The following FAF2 variants were observed in gnomAD, a reference collection of about 807,000 sequenced individuals.
FAF2 encodes FAS-associated factor 2.
A neutral mutation model predicts 62.3 loss-of-function variants in FAF2; 9 were observed. That is an observed-to-expected ratio of 0.14 (90% CI 0.09 to 0.25). The LOEUF (loss-of-function observed/expected upper bound fraction) is 0.25, where lower values mean the gene tolerates loss of function less well. FAF2 is among the 10% of genes least tolerant of loss of function. The pLI, the probability that FAF2 is intolerant of heterozygous loss-of-function variation, is 1.00. For synonymous variants in FAF2, 202 were observed against 198.0 expected, an observed-to-expected ratio of 1.02 and a Z score of -0.17; for missense variants, 368 against 556.2, an observed-to-expected ratio of 0.66 and a Z score of 3.40.
intron 1 of FAF2, among the ~76,000 whole-genome samples, chr5:176,454,284 T>A (rs1055214371): frequency 2.6e-5 from 4 of 151,572 alleles, no homozygotes; most frequent in Non-Finnish European, 5.9e-5. Flanking sequence ...TCCCAGCTAC[T>A]CGGGAGGGTA....
chr5:176,486,647 T>C (rs1758879757), intron 3 of FAF2, among the ~76,000 whole-genome samples, 158 bp downstream of exon 3: 1 of 150,092 alleles, frequency 6.7e-6, no homozygotes, highest in Non-Finnish European at 1.5e-5. Flanking sequence ...CCTTGATTCC[T>C]CAAGGAATTG....
At chr5:176,475,333 A>G (rs1184895287) in intron 1 of FAF2, among the ~76,000 whole-genome samples, 4 of 151,932 alleles carry the variant, frequency 2.6e-5, no homozygotes, top group African/African-American at 4.8e-5. Context: ...GAGTTTCTCT[A>G]TATTGGCCAG....
intron 1 of FAF2, among the ~76,000 whole-genome samples, chr5:176,477,208 G>A (rs1758715575): frequency 7.1e-6 from 1 of 140,576 alleles, no homozygotes; most frequent in Non-Finnish European, 1.5e-5. Context: ...GCCTCCCAAA[G>A]TGCTGAGATT....
chr5:176,490,943 C>T (rs976347048), intron 4 of FAF2, among the ~76,000 whole-genome samples: 1 of 152,138 alleles, frequency 6.6e-6, no homozygotes, highest in African/African-American at 2.4e-5. Flanking sequence ...CATTCCCCCA[C>T]GTATACAACT....
chr5:176,472,933 T>C (rs1758599963), intron 1 of FAF2, among the ~76,000 whole-genome samples: 1 of 152,170 alleles, frequency 6.6e-6, no homozygotes, highest in Admixed American at 6.6e-5. Flanking sequence ...AGTTTTGTTT[T>C]ACTTTTTAAA....
At chr5:176,456,062 A>G (rs1379702052) in intron 1 of FAF2, among the ~76,000 whole-genome samples, 1 of 152,162 alleles carries the variant, frequency 6.6e-6, no homozygotes, top group Non-Finnish European at 1.5e-5. Flanking sequence ...GTAAGTAGTC[A>G]TGAAGACTGA....
Position 176,499,996 on chromosome 5 carries a change from T to A in FAF2, c.1012-7T>A. On this transcript the variant is annotated splice_region_variant and splice_polypyrimidine_tract_variant and intron_variant, in intron 9 of 10. Coordinates refer to ENST00000261942, the MANE Select transcript of FAF2 (RefSeq NM_014613.3). Reference sequence around the variant, plus strand: ...TGTAGCCTCACCTTTGCTTTGTGTCTCTGCAGAATTTACAGGAGGAAAAGG... The same window carrying A: ...TGTAGCCTCACCTTTGCTTTGTGTCACTGCAGAATTTACAGGAGGAAAAGG... The A allele has an allele frequency of 6.2e-7, 1 of 1,614,118 alleles. No homozygotes were observed. The highest frequency in any genetic ancestry group is 2.2e-5 in the East Asian group (1 of 44,878).
At chr5:176,478,257 G>C (rs1758735891) in intron 1 of FAF2, among the ~76,000 whole-genome samples, 1 of 152,156 alleles carries the variant, frequency 6.6e-6, no homozygotes, top group Non-Finnish European at 1.5e-5. Flanking sequence ...CAAGAGGATT[G>C]CTTGAGCCCA....
At chr5:176,461,585 C>A (rs987548699) in intron 1 of FAF2, among the ~76,000 whole-genome samples, 4 of 151,894 alleles carry the variant, frequency 2.6e-5, no homozygotes, top group Non-Finnish European at 5.9e-5. Context: ...ACCTTGGCCT[C>A]CCCTAGTGAT....
intron 3 of FAF2, among the ~76,000 whole-genome samples, chr5:176,488,313 A>C (rs2113738394): frequency 6.6e-6 from 1 of 152,200 alleles, no homozygotes; most frequent in South Asian, 2.1e-4. Flanking sequence ...TGTAAATCTA[A>C]AAAGGAAAGA....
At position 176,501,558 on chromosome 5, in the gene FAF2, T is replaced by C. The variant is rs151131419; in HGVS notation, c.1155+1412T>C. ...GTATGTCATGCAGTGAGCCAGATAC[T>C]CTAGGGATCATTTAGATGAGTGAGA... On this transcript the variant is annotated intron_variant, in intron 10 of 10. Transcript: ENST00000261942. Among the ~76,000 whole-genome samples, 82 of 152,298 alleles carry C rather than the reference T, an allele frequency of 5.4e-4. 1 individual carries two copies. Among genetic ancestry groups the C allele is most frequent in the African/African-American group, 1.9e-3 (80 of 41,562 alleles).
chr5:176,460,023 G>A (rs528253734), intron 1 of FAF2, among the ~76,000 whole-genome samples: 29 of 152,038 alleles, frequency 1.9e-4, no homozygotes, highest in Admixed American at 1.4e-3. Flanking sequence ...TTAGGATGAC[G>A]GCCTCCGGCT....
At chr5:176,504,332 C>T (rs1010157893) in intron 10 of FAF2, among the ~76,000 whole-genome samples, 5 of 151,812 alleles carry the variant, frequency 3.3e-5, no homozygotes, top group African/African-American at 1.2e-4. Context: ...GCCCATAGTC[C>T]CAGCCTACTT....
intron 4 of FAF2, among the ~76,000 whole-genome samples, chr5:176,490,769 CTG>C (rs1471441760): frequency 6.6e-6 from 1 of 151,956 alleles, no homozygotes; most frequent in East Asian, 1.9e-4. Flanking sequence ...GTTGACATCT[CTG>C]TTTTTTTCTA....
intron 8 of FAF2, chr5:176,497,039 G>A (rs934578851): frequency 1.3e-5 from 2 of 153,748 alleles, no homozygotes; most frequent in African/African-American, 4.8e-5. Context: ...CCAGGTCCTT[G>A]GGAGCCCGAG....
chr5:176,491,342 A>T (rs1213371329), intron 4 of FAF2, among the ~76,000 whole-genome samples: 4 of 152,218 alleles, frequency 2.6e-5, no homozygotes. Context: ...GATGTGTGGT[A>T]CCATTAGGTA....
At chr5:176,483,912 TA>T (rs1758828588) in intron 2 of FAF2, among the ~76,000 whole-genome samples, 1 of 151,926 alleles carries the variant, frequency 6.6e-6, no homozygotes, top group Non-Finnish European at 1.5e-5. Context: ...CCATCGCTAC[TA>T]AAAATACAAA....
At chr5:176,500,172 G>GT in intron 10 of FAF2, 26 bp downstream of exon 10, 1 of 1,611,494 alleles carries the variant, frequency 6.2e-7, no homozygotes, top group Non-Finnish European at 8.5e-7. Context: ...GTTCTGTGAA[G>GT]TGTATGTAGC....
rs2113735098 is a variant in FAF2, at chr5:176,483,069, T to G, written c.133-3286T>G. 1.3e-5 allele frequency among the ~76,000 whole-genome samples: 2 copies of G among 151,920 alleles called. 1 individual carries two copies. The highest frequency in any genetic ancestry group is 4.2e-4 in the South Asian group (2 of 4,818). On this transcript the variant is annotated intron_variant, in intron 2 of 10. Coordinates refer to ENST00000261942, the MANE Select transcript of FAF2 (RefSeq NM_014613.3). ...TATTTATTTTTATTTATTTTATTTT[T>G]TTTGAGAGATGGAGTCTTGGTTTGT...
Sources: allele counts gnomAD v4.1 joint callset (sites outside exome capture counted in the v4.1 genomes callset), GRCh38; gene constraint gnomAD v4.1.1; transcripts MANE v1.5; gene names NCBI Gene and HGNC (gene_info 2026-07-23, HGNC 2026-07-21).